Variants in PKHD1 observed in about 807,000 individuals in gnomAD.
PKHD1 encodes fibrocystin.
Under a neutral mutation model 412.0 loss-of-function variants are expected in PKHD1, and 291 were observed. The ratio of observed to expected loss-of-function variants is 0.71; its 90% confidence interval spans 0.64 to 0.78. The LOEUF is 0.78. PKHD1 is among the 30% of genes least tolerant of loss of function. The probability of loss-of-function intolerance (pLI) is 0.00; values close to 1 mark genes in which losing one functional copy is unlikely to be tolerated. For missense variants in PKHD1, 4,825 were observed against 4,950.7 expected (o/e 0.97, Z 0.76); for synonymous variants, 1,777 against 1,821.5 (o/e 0.98, Z 0.62).
intron 57 of PKHD1, among the ~76,000 whole-genome samples, chr6:51,749,363 T>G (rs989402660): frequency 6.6e-6 from 1 of 152,206 alleles, no homozygotes. Flanking sequence ...AGTGAATTAT[T>G]TACTCTCATT....
intron 60 of PKHD1, among the ~76,000 whole-genome samples, chr6:51,725,096 C>G (rs1030634417): frequency 6.6e-6 from 1 of 152,128 alleles, no homozygotes; most frequent in Non-Finnish European, 1.5e-5. Context: ...TAAGGAGAAG[C>G]TGTTCAAAAT....
At position 51,959,921 on chromosome 6, in the gene PKHD1, A is replaced by G. The variant is rs1337056978; in HGVS notation, c.5857T>C (p.Leu1953=). The change falls in exon 36 of 67, where the codon TTG becomes CTG. Residue 1953 remains leucine (L), a synonymous_variant. Coordinates refer to ENST00000371117, the MANE Select transcript of PKHD1 (RefSeq NM_138694.4). ...GDNVTVENGQ[L]LLLDTNTSIL... is the part of the protein sequence containing the mutation. ...CTTGTGTTAGTGTCCAGCAGAAGCA[A>G]TTGGCCATTCTCCACTGTGACGTTG... The G allele has an allele frequency of 2.5e-6, 4 of 1,613,398 alleles. No individual in the cohort carries two copies. In the African/African-American group the frequency reaches 5.3e-5, roughly 22 times the overall value.
In PKHD1 at chr6:52,027,532, C is replaced by CA. The variant is rs1229066296; in HGVS notation, c.3628+296dup. 0.52 allele frequency among the ~76,000 whole-genome samples: 43,094 copies of CA among 83,622 alleles called. 10,134 individuals carry two copies. Among genetic ancestry groups the CA allele is most frequent in the Admixed American group, 0.63 (4,647 of 7,412 alleles). The allele number at this position is 83,622 out of a possible 152,430, so 54.9% of individuals were successfully genotyped here. On this transcript the variant is annotated intron_variant, in intron 31 of 66. Transcript: ENST00000371117. Reference sequence around the variant, plus strand: ...GGGCAACAAGAGCGAAACTCCGTCTCAAAAAAAAAAAAAAAAAGAAGAAGA... The same window carrying CA: ...GGGCAACAAGAGCGAAACTCCGTCTCAAAAAAAAAAAAAAAAAAGAAGAAGA...
intron 43 of PKHD1, among the ~76,000 whole-genome samples, chr6:51,897,506 G>C (rs566032941): frequency 0.016 from 2,383 of 148,730 alleles, 25 homozygotes; most frequent in Non-Finnish European, 0.024. Flanking sequence ...AAGAGCTCCT[G>C]AAGGAAGCAC....
intron 36 of PKHD1, among the ~76,000 whole-genome samples, chr6:51,940,706 T>TG (rs1256670455): frequency 1.3e-5 from 2 of 151,506 alleles, no homozygotes; most frequent in Non-Finnish European, 3.0e-5. Flanking sequence ...GCAGACGCTC[T>TG]GGGTAACTCT....
At chr6:51,729,852 C>T (rs1021244118) in intron 60 of PKHD1, among the ~76,000 whole-genome samples, 2 of 152,016 alleles carry the variant, frequency 1.3e-5, no homozygotes, top group African/African-American at 4.8e-5. Context: ...CATTTGAGTA[C>T]ATAATATTAA....
chr6:51,737,938 T>C (rs929771665), intron 60 of PKHD1, among the ~76,000 whole-genome samples: 9 of 152,176 alleles, frequency 5.9e-5, no homozygotes, highest in Non-Finnish European at 1.0e-4. Flanking sequence ...ATTTTCAGTC[T>C]ATTGAAGAGT....
intron 27 of PKHD1, among the ~76,000 whole-genome samples, chr6:52,040,951 G>T (rs1804776668): frequency 6.6e-6 from 1 of 152,156 alleles, no homozygotes; most frequent in Admixed American, 6.5e-5. Flanking sequence ...TAAATAAATT[G>T]TCATTATGAT....
At chr6:51,637,841 T>C (rs1473038432) in intron 64 of PKHD1, among the ~76,000 whole-genome samples, 1 of 151,770 alleles carries the variant, frequency 6.6e-6, no homozygotes, top group Admixed American at 6.6e-5. Context: ...GAGGTGGAGG[T>C]TGCAGTGAGC....
intron 37 of PKHD1, among the ~76,000 whole-genome samples, chr6:51,922,440 A>T (rs1307798778): frequency 1.3e-5 from 2 of 152,100 alleles, no homozygotes; most frequent in Non-Finnish European, 2.9e-5. Context: ...CAGATTTCAA[A>T]CTCTGTGCTG....
chr6:51,992,125 C>T (rs1797111548), intron 35 of PKHD1, among the ~76,000 whole-genome samples: 1 of 152,162 alleles, frequency 6.6e-6, no homozygotes, highest in Non-Finnish European at 1.5e-5. Context: ...TGATAATAGT[C>T]ATCACTTTAA....
intron 60 of PKHD1, chr6:51,721,113 A>G (rs1781872939): frequency 1.0e-6 from 1 of 982,576 alleles, no homozygotes; most frequent in Non-Finnish European, 1.2e-6. Flanking sequence ...ATCAGTGCAC[A>G]AGAATGGCAC....
chr6:51,714,422 C>A (rs1781018051), intron 60 of PKHD1, among the ~76,000 whole-genome samples: 1 of 152,062 alleles, frequency 6.6e-6, no homozygotes, highest in South Asian at 2.1e-4. Flanking sequence ...CTTCTACCTT[C>A]CAATGAACAC....
At chr6:51,989,922 AGG>A (rs1796733133) in intron 35 of PKHD1, among the ~76,000 whole-genome samples, 1 of 111,236 alleles carries the variant, frequency 9.0e-6, no homozygotes, top group Non-Finnish European at 1.9e-5. Context: ...GAAGGAAGGA[AGG>A]AAGGAAGGAA....
intron 37 of PKHD1, among the ~76,000 whole-genome samples, chr6:51,917,587 G>A (rs1295463464): frequency 6.6e-6 from 1 of 152,166 alleles, no homozygotes; most frequent in Non-Finnish European, 1.5e-5. Flanking sequence ...TCCCAGAAGA[G>A]GTGATAACTG....
At chr6:51,673,075 T>C (rs553347916) in intron 60 of PKHD1, among the ~76,000 whole-genome samples, 1 of 152,262 alleles carries the variant, frequency 6.6e-6, no homozygotes, top group East Asian at 1.9e-4. Flanking sequence ...AGATAATATA[T>C]AAACTGACAA....
chr6:51,863,784 T>A (rs1042019324), intron 48 of PKHD1, among the ~76,000 whole-genome samples: 7 of 152,194 alleles, frequency 4.6e-5, no homozygotes, highest in African/African-American at 1.7e-4. Context: ...GGACTCCTCA[T>A]GAACATGTCC....
intron 43 of PKHD1, among the ~76,000 whole-genome samples, chr6:51,895,997 C>A (rs1254505813): frequency 6.6e-6 from 1 of 152,186 alleles, no homozygotes; most frequent in East Asian, 1.9e-4. Context: ...TTATATCCCG[C>A]ACCTGGCTCG....
At chr6:51,758,148 T>C (rs1363861164) in intron 55 of PKHD1, among the ~76,000 whole-genome samples, 2 of 152,026 alleles carry the variant, frequency 1.3e-5, no homozygotes, top group African/African-American at 4.8e-5. Flanking sequence ...AACTTTATAT[T>C]AAAAACATAA....
Sources: allele counts gnomAD v4.1 joint callset (sites outside exome capture counted in the v4.1 genomes callset), GRCh38; gene constraint gnomAD v4.1.1; transcripts MANE v1.5; gene names NCBI Gene and HGNC (gene_info 2026-07-23, HGNC 2026-07-21).